The following ENTREP2 variants were observed in gnomAD, a reference collection of about 807,000 sequenced individuals.
ENTREP2 encodes protein ENTREP2.
the ENTREP2 span, among the ~76,000 whole-genome samples, chr15:29,244,331 C>T: frequency 1.3e-5 from 2 of 152,254 alleles, no homozygotes; most frequent in Admixed American, 6.5e-5. Context: ...GCAGACATTA[C>T]TCTACATGGT....
chr15:29,224,912 G>A, the ENTREP2 span, among the ~76,000 whole-genome samples: 8 of 152,276 alleles, frequency 5.3e-5, no homozygotes, highest in South Asian at 2.1e-4. Context: ...CAGGCATGGC[G>A]GGCTGCAGGT....
chr15:29,219,826 G>A, the ENTREP2 span, among the ~76,000 whole-genome samples: 1 of 151,274 alleles, frequency 6.6e-6, no homozygotes, highest in African/African-American at 2.4e-5. Flanking sequence ...AGGATGCAAA[G>A]GTGTAAGAGT....
chr15:29,435,172 AT>A, the ENTREP2 span, among the ~76,000 whole-genome samples: 2 of 151,346 alleles, frequency 1.3e-5, no homozygotes, highest in African/African-American at 4.9e-5. Flanking sequence ...TTTCCCTCCC[AT>A]TTTCTTTTTT....
At chr15:29,394,877 A>AGTC in the ENTREP2 span, among the ~76,000 whole-genome samples, 2 of 81,314 alleles carry the variant, frequency 2.5e-5, 1 homozygote. Context: ...CATGTGTCAG[A>AGTC]ATCTCTTTTT....
chr15:29,399,683 A>AAT, the ENTREP2 span, among the ~76,000 whole-genome samples: 2 of 152,360 alleles, frequency 1.3e-5, no homozygotes, highest in African/African-American at 4.8e-5. Context: ...CTTAACTGGT[A>AAT]ATAGTCTGCT....
the ENTREP2 span, among the ~76,000 whole-genome samples, chr15:29,215,697 G>T: frequency 1.8e-4 from 28 of 151,622 alleles, no homozygotes; most frequent in African/African-American, 4.4e-4. Flanking sequence ...AGTTTGTTTT[G>T]TCTGATATAA....
At chr15:29,401,266 A>G in the ENTREP2 span, among the ~76,000 whole-genome samples, 2 of 152,232 alleles carry the variant, frequency 1.3e-5, no homozygotes, top group Non-Finnish European at 2.9e-5. Flanking sequence ...AAAAATATTT[A>G]TAATACATAA....
At chr15:29,221,337 G>GAT in the ENTREP2 span, among the ~76,000 whole-genome samples, 1 of 152,042 alleles carries the variant, frequency 6.6e-6, no homozygotes, top group Non-Finnish European at 1.5e-5. Flanking sequence ...AAGTAGCTGG[G>GAT]ATTATAGGTG....
the ENTREP2 span, among the ~76,000 whole-genome samples, chr15:29,398,335 C>A: frequency 6.6e-6 from 1 of 151,910 alleles, no homozygotes; most frequent in Non-Finnish European, 1.5e-5. Flanking sequence ...AAAGATGGTT[C>A]TGCATATTAA....
At chr15:29,331,712 C>T in the ENTREP2 span, among the ~76,000 whole-genome samples, 15 of 152,236 alleles carry the variant, frequency 9.9e-5, no homozygotes, top group Non-Finnish European at 1.8e-4. Flanking sequence ...AGACAAGTCA[C>T]TTGCCCTTGC....
the ENTREP2 span, among the ~76,000 whole-genome samples, chr15:29,348,732 T>C: frequency 6.6e-6 from 1 of 152,168 alleles, no homozygotes; most frequent in Admixed American, 6.5e-5. Flanking sequence ...CCAAAGGCCA[T>C]AAAGAAGTCA....
At chr15:29,611,899 T>G in the ENTREP2 span, among the ~76,000 whole-genome samples, 1 of 152,256 alleles carries the variant, frequency 6.6e-6, no homozygotes, top group Non-Finnish European at 1.5e-5. Flanking sequence ...CATTTCTGCC[T>G]GTGCGTTCTG....
At chr15:29,578,871 C>A in the ENTREP2 span, among the ~76,000 whole-genome samples, 1 of 152,182 alleles carries the variant, frequency 6.6e-6, no homozygotes, top group South Asian at 2.1e-4. Context: ...TTGTGAAAAA[C>A]CCCTGAGAAG....
the ENTREP2 span, among the ~76,000 whole-genome samples, chr15:29,436,832 G>T: frequency 1.1e-4 from 16 of 152,224 alleles, no homozygotes; most frequent in Non-Finnish European, 1.9e-4. Flanking sequence ...TTTTTCAAAC[G>T]TATCTGTAAC....
chr15:29,215,510 CA>C, the ENTREP2 span, among the ~76,000 whole-genome samples: 1 of 151,886 alleles, frequency 6.6e-6, no homozygotes, highest in African/African-American at 2.4e-5. Flanking sequence ...CCTTGCTCCT[CA>C]GCCTGCAGAC....
the ENTREP2 span, among the ~76,000 whole-genome samples, chr15:29,482,665 G>A: frequency 6.6e-6 from 1 of 152,150 alleles, no homozygotes; most frequent in Non-Finnish European, 1.5e-5. Context: ...TTCATAGCTT[G>A]ATAGCTCATT....
At chr15:29,420,369 G>C in the ENTREP2 span, among the ~76,000 whole-genome samples, 1 of 152,184 alleles carries the variant, frequency 6.6e-6, no homozygotes, top group African/African-American at 2.4e-5. Context: ...CCTGGGGAAA[G>C]GGGGTCAGAG....
chr15:29,252,477 AT>A, the ENTREP2 span: 1 of 1,535,682 alleles, frequency 6.5e-7, no homozygotes, highest in Non-Finnish European at 8.8e-7. Flanking sequence ...GAAAAAGGTT[AT>A]CTGGAAACAA....
At chr15:29,150,001 A>G in the ENTREP2 span, among the ~76,000 whole-genome samples, 46,113 of 152,150 alleles carry the variant, frequency 0.3, 8,505 homozygotes, top group Non-Finnish European at 0.41. Context: ...CTTGCACAGT[A>G]TTTTCTGCTG....
Sources: allele counts gnomAD v4.1 joint callset (sites outside exome capture counted in the v4.1 genomes callset), GRCh38; gene constraint gnomAD v4.1.1; transcripts MANE v1.5; gene names NCBI Gene and HGNC (gene_info 2026-07-23, HGNC 2026-07-21).